The following TIAM2 variants were observed in gnomAD, a reference collection of about 807,000 sequenced individuals.
TIAM2 encodes TIAM Rac1 associated GEF 2, also known as rho guanine nucleotide exchange factor TIAM2.
TIAM2 carries 80 observed loss-of-function variants against 152.9 expected under a neutral mutation model. That is an observed-to-expected ratio of 0.52 (90% CI 0.44 to 0.63). TIAM2 has a LOEUF of 0.63. TIAM2 is among the 30% of genes least tolerant of loss of function. The pLI is 0.00. For synonymous variants in TIAM2, 804 were observed against 838.0 expected (o/e 0.96, Z 0.70); for missense variants, 1,965 against 2,120.1 (o/e 0.93, Z 1.44).
At chr6:155,157,966 C>T (rs1780167480) in intron 7 of TIAM2, among the ~76,000 whole-genome samples, 1 of 152,172 alleles carries the variant, frequency 6.6e-6, no homozygotes, top group African/African-American at 2.4e-5. Context: ...AAAACCGAAT[C>T]TCTCTACTTT....
chr6:155,226,867 A>T (rs576859961), intron 15 of TIAM2, among the ~76,000 whole-genome samples: 9 of 152,312 alleles, frequency 5.9e-5, no homozygotes, highest in Admixed American at 3.9e-4. Context: ...TCTGGAGAAG[A>T]ATAATCCAGG....
chr6:155,116,729 G>A (rs962116158), intron 2 of TIAM2, among the ~76,000 whole-genome samples: 9 of 152,142 alleles, frequency 5.9e-5, no homozygotes, highest in African/African-American at 1.9e-4. Flanking sequence ...GCATGATGCT[G>A]TTTAAGTTTT....
chr6:155,216,280 C>G (rs1227484386), intron 15 of TIAM2, among the ~76,000 whole-genome samples: 2 of 152,140 alleles, frequency 1.3e-5, no homozygotes, highest in Non-Finnish European at 2.9e-5. Context: ...CTGCCCTAGC[C>G]CAACTGGTCT....
At chr6:155,089,064 A>C (rs1349475139) in intron 1 of TIAM2, among the ~76,000 whole-genome samples, 1 of 151,874 alleles carries the variant, frequency 6.6e-6, no homozygotes, top group African/African-American at 2.4e-5. Flanking sequence ...AGTCTGTTTC[A>C]CATTTTAAAC....
intron 2 of TIAM2, among the ~76,000 whole-genome samples, chr6:155,093,524 C>T (rs1778347594): frequency 6.6e-6 from 1 of 152,200 alleles, no homozygotes; most frequent in African/African-American, 2.4e-5. Flanking sequence ...AGCAGGGATG[C>T]TGTGTCTGAT....
At chr6:155,072,441 G>C (rs1777858795) in intron 1 of TIAM2, among the ~76,000 whole-genome samples, 1 of 152,082 alleles carries the variant, frequency 6.6e-6, no homozygotes, top group Admixed American at 6.6e-5. Flanking sequence ...TGGCCATTTT[G>C]GTGTGCATGA....
chr6:155,014,204 C>A (rs1778535843), intron 1 of TIAM2, among the ~76,000 whole-genome samples: 1 of 151,960 alleles, frequency 6.6e-6, no homozygotes, highest in African/African-American at 2.4e-5. Flanking sequence ...ATATATTTTT[C>A]TTTGTCTATT....
chr6:155,189,540 C>T (rs1781140685), intron 14 of TIAM2, among the ~76,000 whole-genome samples: 1 of 152,092 alleles, frequency 6.6e-6, no homozygotes, highest in Admixed American at 6.5e-5. Flanking sequence ...ATACTAATTT[C>T]CTTATAAAAC....
chr6:155,148,520 GTGATA>G (rs1411706805), intron 7 of TIAM2, among the ~76,000 whole-genome samples, 186 bp downstream of exon 7: 1 of 152,068 alleles, frequency 6.6e-6, no homozygotes, highest in African/African-American at 2.4e-5. Flanking sequence ...TGTGACATGG[GTGATA>G]TGATATGCTT....
intron 14 of TIAM2, among the ~76,000 whole-genome samples, chr6:155,207,039 G>C (rs980407345): frequency 6.6e-6 from 1 of 152,186 alleles, no homozygotes; most frequent in Admixed American, 6.5e-5. Context: ...TATATGTCCT[G>C]ATGAGGCTCT....
At chr6:155,040,341 T>G (rs559560554) in intron 1 of TIAM2, among the ~76,000 whole-genome samples, 239 of 152,236 alleles carry the variant, frequency 1.6e-3, no homozygotes, top group Non-Finnish European at 3.1e-3. Context: ...GGGGAGCCAT[T>G]ATCATTGAAA....
Position 155,257,242 on chromosome 6 carries a change from A to G in TIAM2, c.*121A>G, listed in dbSNP as rs1784117103. 12 of 1,091,036 alleles carry G rather than the reference A, an allele frequency of 1.1e-5. No individual in the cohort carries two copies. Among genetic ancestry groups the G allele is most frequent in the Non-Finnish European group, 9.0e-6 (7 of 778,458 alleles). The allele number at this position is 1,091,036 out of a possible 1,614,324, so 67.6% of individuals were successfully genotyped here. Reference sequence around the variant, plus strand: ...CATTCCTGGGTTTTGTGCAGTATACATTTTCCCACAAAATGGTTGTAAAGA... The same window carrying G: ...CATTCCTGGGTTTTGTGCAGTATACGTTTTCCCACAAAATGGTTGTAAAGA... On this transcript the variant is annotated 3_prime_UTR_variant, in exon 27 of 27. Coordinates refer to ENST00000682666, the MANE Select transcript of TIAM2 (RefSeq NM_012454.4).
intron 1 of TIAM2, among the ~76,000 whole-genome samples, chr6:155,011,895 T>C (rs2114849048): frequency 6.6e-6 from 1 of 152,312 alleles, no homozygotes; most frequent in East Asian, 1.9e-4. Context: ...TGCCAGATGG[T>C]GCGTAGCTAC....
chr6:155,216,789 G>A (rs1179338893), intron 15 of TIAM2: 14 of 577,650 alleles, frequency 2.4e-5, no homozygotes. Flanking sequence ...TGGTCCCATT[G>A]TCTCCACGTC....
intron 2 of TIAM2, among the ~76,000 whole-genome samples, chr6:155,113,492 C>T (rs1029020199): frequency 2.6e-5 from 4 of 151,894 alleles, no homozygotes; most frequent in African/African-American, 7.3e-5. Flanking sequence ...AGGCTGAGGC[C>T]GGCAGATCAC....
In TIAM2 at chr6:155,257,411, G is replaced by A; in HGVS notation, c.*290G>A. 1 of 381,258 alleles carries A rather than the reference G, an allele frequency of 2.6e-6. No individual in the cohort carries two copies. The highest frequency in any genetic ancestry group is 4.7e-6 in the Non-Finnish European group (1 of 213,176). 23.6% of individuals were successfully genotyped at this position (381,258 alleles called of 1,614,324 possible). ...TACATTCTAATAATTAAGTTATGTG[G>A]AAAAAGTAAGGCTGGGGAAGTCGTG... On this transcript the variant is annotated 3_prime_UTR_variant, in exon 27 of 27. Transcript: ENST00000682666.
chr6:155,185,188 G>A (rs576803681), intron 14 of TIAM2, among the ~76,000 whole-genome samples: 8 of 140,650 alleles, frequency 5.7e-5, no homozygotes, highest in East Asian at 2.1e-4. Flanking sequence ...GTGCAGTGGC[G>A]CAATCTTGGC....
chr6:155,081,970 C>A (rs1778071372), intron 1 of TIAM2, among the ~76,000 whole-genome samples: 1 of 152,188 alleles, frequency 6.6e-6, no homozygotes, highest in South Asian at 2.1e-4. Context: ...TATTTATTCA[C>A]CTCTTTCATC....
At chr6:155,188,645 A>G (rs965123984) in intron 14 of TIAM2, among the ~76,000 whole-genome samples, 4 of 152,326 alleles carry the variant, frequency 2.6e-5, no homozygotes, top group Non-Finnish European at 2.9e-5. Flanking sequence ...ACCTGTTTAT[A>G]CTGGGATCCT....
Sources: gnomAD v4.1 joint callset for allele counts (sites outside exome capture counted in the v4.1 genomes callset) on GRCh38, gnomAD v4.1.1 for gene constraint, MANE v1.5 for transcripts, NCBI Gene and HGNC (gene_info 2026-07-23, HGNC 2026-07-21) for gene names.